Variants in SUCO observed in about 807,000 individuals in gnomAD.
SUCO encodes the protein SUN domain-containing ossification factor.
A neutral mutation model predicts 148.1 loss-of-function variants in SUCO; 57 were observed. The ratio of observed to expected loss-of-function variants is 0.38; its 90% CI spans 0.31 to 0.48. The LOEUF is 0.48. Ranked by LOEUF, SUCO falls within the 20% of genes least tolerant of loss-of-function variation. SUCO has a pLI of 0.96. For synonymous variants in SUCO, 470 were observed against 502.7 expected, an observed-to-expected ratio of 0.93 and a Z score of 0.87; for missense variants, 1,331 against 1,468.2, an observed-to-expected ratio of 0.91 and a Z score of 1.53.
chr1:172,545,552 A>G (rs920377074), intron 1 of SUCO, among the ~76,000 whole-genome samples: 2 of 152,182 alleles, frequency 1.3e-5, no homozygotes, highest in African/African-American at 2.4e-5. Flanking sequence ...TTAAAACAGC[A>G]GTCAGAGGTA....
At chr1:172,532,619 A>C, upstream of SUCO, 1 of 1,614,048 alleles carries the variant, frequency 6.2e-7, no homozygotes, top group Non-Finnish European at 8.5e-7. Flanking sequence ...TGTGCTCAAA[A>C]GAGGAAAACA....
Position 172,608,724 on chromosome 1 carries a change from CTT to C in SUCO, c.3266-10_3266-9del, listed in dbSNP as rs372623434. The C allele has an allele frequency of 0.028, 35,351 of 1,267,568 alleles. No homozygotes were observed. The highest frequency in any genetic ancestry group is 0.03 in the Non-Finnish European group (26,894 of 908,542). The allele number at this position is 1,267,568 out of a possible 1,614,324, so 78.5% of individuals were successfully genotyped here. A position where few individuals can be genotyped will look rare whatever the true frequency, so the allele number is the denominator to read the frequency against. On this transcript the variant is annotated intron_variant, in intron 22 of 23. Coordinates refer to ENST00000263688, the MANE Select transcript of SUCO (RefSeq NM_014283.5). ...AAATCCACTTTACATTTTACATCTG[CTT>C]TTTTTTTTTTTTACTTACAGTAGAC... is the stretch of plus-strand genomic sequence containing the variant.
At chr1:172,579,174 T>G (rs955583901) in intron 14 of SUCO, 28 bp from the exon 15 acceptor site, 4 of 1,301,918 alleles carry the variant, frequency 3.1e-6, no homozygotes, top group South Asian at 2.4e-5. Flanking sequence ...GATCTCAGCA[T>G]AATTACTTTT....
intron 6 of SUCO, among the ~76,000 whole-genome samples, chr1:172,563,873 C>T (rs973834495): frequency 6.6e-6 from 1 of 152,202 alleles, no homozygotes; most frequent in Non-Finnish European, 1.5e-5. Flanking sequence ...AAAATGGTTG[C>T]GTGGGCCAGT....
At chr1:172,593,591 G>A (rs996640320) in intron 19 of SUCO, among the ~76,000 whole-genome samples, 8 of 152,106 alleles carry the variant, frequency 5.3e-5, no homozygotes, top group African/African-American at 9.7e-5. Flanking sequence ...TGATTTCCAT[G>A]TGTTGAACCA....
chr1:172,557,845 G>T, intron 6 of SUCO, 51 bp downstream of exon 6: 1 of 1,379,150 alleles, frequency 7.3e-7, no homozygotes, highest in Non-Finnish European at 9.9e-7. Flanking sequence ...ATGCATTTTT[G>T]TTATTAGCTA....
chr1:172,587,834 A>G (rs1410360623), intron 17 of SUCO, among the ~76,000 whole-genome samples: 1 of 151,938 alleles, frequency 6.6e-6, no homozygotes, highest in African/African-American at 2.4e-5. Context: ...ATATTTTTTC[A>G]TATTGGACTT....
intron 6 of SUCO, among the ~76,000 whole-genome samples, chr1:172,560,341 T>C (rs188719104): frequency 6.6e-6 from 1 of 152,366 alleles, no homozygotes; most frequent in Non-Finnish European, 1.5e-5. Flanking sequence ...GGTAGTTTAC[T>C]CATAGATCTT....
chr1:172,544,774 A>G (rs572150845), intron 1 of SUCO, among the ~76,000 whole-genome samples: 1 of 152,352 alleles, frequency 6.6e-6, no homozygotes, highest in East Asian at 1.9e-4. Context: ...AGATTTTTAA[A>G]TAGCATGTGG....
intron 20 of SUCO, among the ~76,000 whole-genome samples, chr1:172,600,771 A>G (rs181578625): frequency 4.3e-4 from 66 of 151,888 alleles, no homozygotes; most frequent in Non-Finnish European, 6.9e-4. Context: ...AGTTAGAGTG[A>G]TCTTGGAAGG....
At chr1:172,570,829 A>G (rs1654908415) in intron 9 of SUCO, 99 bp downstream of exon 9, 3 of 759,182 alleles carry the variant, frequency 4.0e-6, no homozygotes, top group Admixed American at 5.1e-5. Context: ...TAATTTAATA[A>G]GCTTTTATGA....
chr1:172,606,843 A>G (rs1198195125), intron 22 of SUCO, among the ~76,000 whole-genome samples: 1 of 151,756 alleles, frequency 6.6e-6, no homozygotes, highest in Non-Finnish European at 1.5e-5. Flanking sequence ...TAAACATATT[A>G]CTTCTCCGTA....
At chr1:172,577,494 G>T in intron 11 of SUCO, 45 bp from the exon 12 acceptor site, 1 of 1,588,586 alleles carries the variant, frequency 6.3e-7, no homozygotes. Context: ...ATGATGTCTA[G>T]ACTTTGGAAC....
intron 6 of SUCO, among the ~76,000 whole-genome samples, chr1:172,558,090 ATCT>A (rs1653880237): frequency 6.6e-6 from 1 of 152,198 alleles, no homozygotes; most frequent in African/African-American, 2.4e-5. Flanking sequence ...TTATTTAATC[ATCT>A]TCTTAGAAAG....
intron 22 of SUCO, 26 bp downstream of exon 22, chr1:172,602,813 G>T: frequency 1.3e-6 from 2 of 1,518,904 alleles, no homozygotes; most frequent in Non-Finnish European, 1.8e-6. Context: ...TATATAATAT[G>T]TATATATAAA....
intron 7 of SUCO, 145 bp downstream of exon 7, chr1:172,569,287 C>A: frequency 9.8e-7 from 1 of 1,021,014 alleles, no homozygotes; most frequent in Non-Finnish European, 1.3e-6. Flanking sequence ...TGCTGTTGAT[C>A]CATCCATCCA....
chr1:172,572,696 TAAAAAA>T (rs61248782), intron 9 of SUCO, among the ~76,000 whole-genome samples: 5 of 49,600 alleles, frequency 1.0e-4, no homozygotes, highest in Admixed American at 6.1e-4. Context: ...GAATGATCAA[TAAAAAA>T]AAAAAAAAAA....
At chr1:172,535,613 A>G (rs560961066) in intron 1 of SUCO, among the ~76,000 whole-genome samples, 1 of 152,326 alleles carries the variant, frequency 6.6e-6, no homozygotes, top group Admixed American at 6.5e-5. Flanking sequence ...AGAAATGGCT[A>G]CCAACAAGTC....
At chr1:172,544,567 G>A (rs538950194) in intron 1 of SUCO, among the ~76,000 whole-genome samples, 1 of 152,290 alleles carries the variant, frequency 6.6e-6, no homozygotes, top group Admixed American at 6.5e-5. Context: ...TATAGGTATT[G>A]AGTTATGTTT....
Sources: allele counts gnomAD v4.1 joint callset (sites outside exome capture counted in the v4.1 genomes callset), GRCh38; gene constraint gnomAD v4.1.1; transcripts MANE v1.5; gene names NCBI Gene and HGNC (gene_info 2026-07-23, HGNC 2026-07-21).